The following DNAJB14 variants were observed in gnomAD, a reference collection of about 807,000 sequenced individuals.
DNAJB14 encodes DnaJ heat shock protein family (Hsp40) member B14, also known as dnaJ homolog subfamily B member 14.
A neutral mutation model predicts 48.4 loss-of-function variants in DNAJB14; 22 were observed. That is an observed-to-expected ratio of 0.45 (90% CI 0.32 to 0.65). The LOEUF (loss-of-function observed/expected upper bound fraction) is 0.65. Ranked by LOEUF, DNAJB14 falls within the 30% of genes least tolerant of loss-of-function variation. The pLI is 0.03. For synonymous variants in DNAJB14, 142 were observed against 158.7 expected (o/e 0.89, Z 0.79); for missense variants, 319 against 458.8 (o/e 0.70, Z 2.78).
Position 99,897,883 on chromosome 4 carries a change from T to C in DNAJB14, c.*3145A>G, listed in dbSNP as rs1256111904. The C allele has an allele frequency of 6.6e-5, 10 of 152,028 alleles. No homozygotes were observed. Among genetic ancestry groups the C allele is most frequent in the Non-Finnish European group, 1.5e-4 (10 of 67,890 alleles). The allele number at this position is 152,028 out of a possible 1,614,324, so 9.4% of individuals were successfully genotyped here. A position where few individuals can be genotyped will look rare whatever the true frequency, so the allele number is the denominator to read the frequency against. ...TCTTCTTAACCATTTGGTCCTCTGA[T>C]ATAAAACTTGCTTAACTGGCAAGAT... is the stretch of plus-strand genomic sequence containing the variant. On this transcript the variant is annotated 3_prime_UTR_variant, in exon 8 of 8. Coordinates refer to ENST00000442697, the MANE Select transcript of DNAJB14 (RefSeq NM_001031723.4).
chr4:99,944,769 G>A (rs6813690), intron 1 of DNAJB14, among the ~76,000 whole-genome samples: 1 of 151,912 alleles, frequency 6.6e-6, no homozygotes, highest in Non-Finnish European at 1.5e-5. Flanking sequence ...TAGAGATGGC[G>A]TTTCATCATG....
chr4:99,921,103 A>C (rs1726040232), intron 3 of DNAJB14, among the ~76,000 whole-genome samples: 1 of 152,232 alleles, frequency 6.6e-6, no homozygotes, highest in Non-Finnish European at 1.5e-5. Context: ...GTTACTCGCC[A>C]AGCGTGTGTG....
chr4:99,940,141 ATTC>A (rs1354686678), intron 1 of DNAJB14, among the ~76,000 whole-genome samples: 1 of 152,224 alleles, frequency 6.6e-6, no homozygotes, highest in Non-Finnish European at 1.5e-5. Flanking sequence ...ATCTATTTTT[ATTC>A]TTAAGTTTCT....
chr4:99,903,121 A>G (rs1725349101), intron 7 of DNAJB14, among the ~76,000 whole-genome samples: 1 of 152,160 alleles, frequency 6.6e-6, no homozygotes, highest in Non-Finnish European at 1.5e-5. Flanking sequence ...CAATGGTCAC[A>G]AAAACAAGAA....
At chr4:99,909,976 T>C (rs938564194) in intron 3 of DNAJB14, among the ~76,000 whole-genome samples, 7 of 152,078 alleles carry the variant, frequency 4.6e-5, no homozygotes, top group Non-Finnish European at 8.8e-5. Context: ...TTAAACTAGA[T>C]TGTAAGCCTC....
intron 3 of DNAJB14, among the ~76,000 whole-genome samples, chr4:99,916,285 C>T (rs530173556): frequency 2.0e-4 from 31 of 152,244 alleles, no homozygotes; most frequent in Non-Finnish European, 3.4e-4. Flanking sequence ...ATAACAGACA[C>T]GTGCTACCAC....
intron 1 of DNAJB14, among the ~76,000 whole-genome samples, chr4:99,940,451 G>C (rs1320936746): frequency 6.6e-6 from 1 of 152,050 alleles, no homozygotes; most frequent in Non-Finnish European, 1.5e-5. Context: ...AAATAAGCTG[G>C]TGTCGTGACA....
chr4:99,906,218 T>G (rs1244368492), intron 5 of DNAJB14: 1 of 1,355,524 alleles, frequency 7.4e-7, no homozygotes, highest in African/African-American at 1.5e-5. Context: ...AGTTTTTCAG[T>G]ACTCTAAATT....
At chr4:99,916,039 GTTTTC>G (rs1382092926) in intron 3 of DNAJB14, among the ~76,000 whole-genome samples, 1 of 151,728 alleles carries the variant, frequency 6.6e-6, no homozygotes, top group Non-Finnish European at 1.5e-5. Context: ...AGCAACTCCT[GTTTTC>G]TTTTGATTAA....
At position 99,908,769 on chromosome 4, in the gene DNAJB14, T is replaced by C. The variant is rs1235586001; in HGVS notation, c.579A>G (p.Glu193=). The change falls in exon 4 of 8, where the codon GAA becomes GAG. Residue 193 remains glutamate, a synonymous_variant. Coordinates refer to ENST00000442697, the MANE Select transcript of DNAJB14 (RefSeq NM_001031723.4). ...NGRFNFHRGC[E]ADITPEDLFN... ...ACAAGTCTTCTGGAGTTATATCAGC[T>C]TCACAACCTCTATGGAAATTAAATC... 4 of 1,611,852 alleles carry C rather than the reference T, an allele frequency of 2.5e-6. No individual in the cohort carries two copies. Among genetic ancestry groups the C allele is most frequent in the Non-Finnish European group, 3.4e-6 (4 of 1,178,908 alleles).
At chr4:99,929,953 C>T (rs1726400503) in intron 2 of DNAJB14, 2 of 152,106 alleles carry the variant, frequency 1.3e-5, no homozygotes, top group Admixed American at 1.3e-4. Flanking sequence ...CAGTGTATAA[C>T]TTTTCAACTC....
rs1725169224 is a variant in DNAJB14 at position 99,897,256 on chromosome 4, A to C, written c.*3772T>G. ...TAGACACATCCACAGAATATTCACAAATCTATTGGCCCCAACACCAGCAGA... is the reference window on the plus strand; with the variant it reads ...TAGACACATCCACAGAATATTCACACATCTATTGGCCCCAACACCAGCAGA... On this transcript the variant is annotated 3_prime_UTR_variant, in exon 8 of 8. Coordinates refer to ENST00000442697, the MANE Select transcript of DNAJB14 (RefSeq NM_001031723.4). 1 of 150,578 alleles carries C rather than the reference A, an allele frequency of 6.6e-6. No individual in the cohort carries two copies. The highest frequency in any genetic ancestry group is 1.5e-5 in the Non-Finnish European group (1 of 67,578). The allele number at this position is 150,578 out of a possible 1,614,324, so 9.3% of individuals were successfully genotyped here.
At chr4:99,913,987 A>C (rs1725761977) in intron 3 of DNAJB14, among the ~76,000 whole-genome samples, 1 of 152,150 alleles carries the variant, frequency 6.6e-6, no homozygotes, top group Non-Finnish European at 1.5e-5. Flanking sequence ...ATGGTGGAGA[A>C]AATCAAAGGG....
chr4:99,946,260 C>T (rs879670936), intron 1 of DNAJB14, among the ~76,000 whole-genome samples, 179 bp downstream of exon 1: 1 of 152,128 alleles, frequency 6.6e-6, no homozygotes, highest in African/African-American at 2.4e-5. Context: ...CAGCCCGGAG[C>T]CGGGGCTGGG....
chr4:99,919,912 C>T (rs1725993340), intron 3 of DNAJB14, among the ~76,000 whole-genome samples: 2 of 152,106 alleles, frequency 1.3e-5, no homozygotes, highest in South Asian at 4.1e-4. Context: ...TGAGAAAACT[C>T]TTAATTTTAA....
At chr4:99,935,580 G>A (rs1726643530) in intron 1 of DNAJB14, among the ~76,000 whole-genome samples, 2 of 152,202 alleles carry the variant, frequency 1.3e-5, no homozygotes, top group Non-Finnish European at 2.9e-5. Context: ...TTAAGAGAGA[G>A]CATACAGCAT....
chr4:99,936,074 A>G (rs188777598), intron 1 of DNAJB14, among the ~76,000 whole-genome samples: 1 of 149,516 alleles, frequency 6.7e-6, no homozygotes, highest in African/African-American at 2.4e-5. Flanking sequence ...AAAATAAAAT[A>G]AATTTAAAAA....
chr4:99,924,802 A>G, intron 2 of DNAJB14: 5 of 1,587,208 alleles, frequency 3.2e-6, no homozygotes, highest in South Asian at 1.1e-5. Flanking sequence ...CAATGTTCCA[A>G]TATCCATAAA....
chr4:99,940,353 G>A (rs1303119446), intron 1 of DNAJB14, among the ~76,000 whole-genome samples: 1 of 152,214 alleles, frequency 6.6e-6, no homozygotes, highest in Admixed American at 6.5e-5. Flanking sequence ...AGCACTTTGG[G>A]AGGCTGAGGC....
Sources: gnomAD v4.1 joint callset for allele counts (sites outside exome capture counted in the v4.1 genomes callset) on GRCh38, gnomAD v4.1.1 for gene constraint, MANE v1.5 for transcripts, NCBI Gene and HGNC (gene_info 2026-07-23, HGNC 2026-07-21) for gene names.